Variants in TXNRD2 observed in about 807,000 individuals in gnomAD.
The protein encoded by TXNRD2 is thioredoxin reductase 2.
Under a neutral mutation model 70.8 loss-of-function variants are expected in TXNRD2, and 67 were observed. The observed-to-expected ratio is 0.95, with a 90% CI of 0.78 to 1.16. The LOEUF is 1.16. Ranked by LOEUF, TXNRD2 falls within the 50% of genes most tolerant of loss-of-function variation. The pLI, the probability that TXNRD2 is intolerant of heterozygous loss-of-function variation, is 0.00. For missense variants in TXNRD2, 644 were observed against 719.9 expected, an observed-to-expected ratio of 0.89 and a Z score of 1.21; for synonymous variants, 301 against 295.8, an observed-to-expected ratio of 1.02 and a Z score of -0.18.
At chr22:19,879,460 A>T (rs376202177) in intron 14 of TXNRD2, among the ~76,000 whole-genome samples, 19 of 148,278 alleles carry the variant, frequency 1.3e-4, no homozygotes, top group African/African-American at 4.7e-4. Context: ...CCCCCAAAGC[A>T]GGCTTGCTCG....
intron 1 of TXNRD2, among the ~76,000 whole-genome samples, chr22:19,939,263 C>T (rs1020013402): frequency 6.6e-6 from 1 of 152,208 alleles, no homozygotes. Context: ...TGGTTCAATC[C>T]TCCCTAATGG....
chr22:19,886,535 C>T (rs914406434), intron 11 of TXNRD2, among the ~76,000 whole-genome samples: 2 of 152,228 alleles, frequency 1.3e-5, no homozygotes, highest in African/African-American at 2.4e-5. Context: ...CAGTCAGCTC[C>T]CCACCATTTC....
chr22:19,915,640 C>T, intron 6 of TXNRD2, 125 bp downstream of exon 6: 1 of 883,460 alleles, frequency 1.1e-6, no homozygotes, highest in South Asian at 1.4e-5. Flanking sequence ...TCAAAAGAAG[C>T]CACCTTTTTG....
At chr22:19,881,399 C>CGGCG (rs757970396) in intron 12 of TXNRD2, 5 of 250,204 alleles carry the variant, frequency 2.0e-5, no homozygotes, top group South Asian at 1.8e-4. Context: ...GGAAACATCC[C>CGGCG]GGCGGGCGGC....
intron 1 of TXNRD2, chr22:19,932,469 G>C: frequency 6.2e-7 from 1 of 1,600,776 alleles, no homozygotes; most frequent in Admixed American, 1.7e-5. Context: ...GCAGGCAAGG[G>C]GCAGCCAAAA....
chr22:19,877,992 G>T, intron 16 of TXNRD2, 98 bp downstream of exon 16: 1 of 1,033,436 alleles, frequency 9.7e-7, no homozygotes, highest in Non-Finnish European at 1.5e-6. Flanking sequence ...CCACATAAAT[G>T]CCGCAAGAGT....
intron 8 of TXNRD2, among the ~76,000 whole-genome samples, chr22:19,907,733 A>ATG (rs1940123184): frequency 6.6e-5 from 1 of 15,132 alleles, no homozygotes; most frequent in Admixed American, 1.4e-3. Context: ...TGGGCGCACC[A>ATG]TGGGTAGCAG....
chr22:19,918,200 G>C lies in TXNRD2; in HGVS notation c.392C>G (p.Ala131Gly), dbSNP rs368359642. 20 of 1,614,246 alleles carry C rather than the reference G, an allele frequency of 1.2e-5. No homozygotes were observed. Among genetic ancestry groups the C allele is most frequent in the Middle Eastern group, 1.6e-4 (1 of 6,062 alleles). The part of the protein sequence containing the change: ...VPHDWRKMAE[A>G]VQNHVKSLNW... ...CAAGGATTTCACGTGATTTTGAACA[G>C]CTTCTGCCATCTTCCTCCTGTGAAG... Residue 131 changes from alanine to glycine, a missense_variant, in exon 5 of 18, where the codon GCT (alanine) becomes GGT (glycine). Ala to Gly is a moderately conservative substitution (Grantham distance 60). Coordinates refer to ENST00000400521, the MANE Select transcript of TXNRD2 (RefSeq NM_006440.5).
At chr22:19,886,011 C>A (rs1236911843) in intron 11 of TXNRD2, among the ~76,000 whole-genome samples, 1 of 152,254 alleles carries the variant, frequency 6.6e-6, no homozygotes, top group Non-Finnish European at 1.5e-5. Flanking sequence ...TGTAATGGAG[C>A]CACTAATGTG....
intron 11 of TXNRD2, chr22:19,887,556 G>A (rs1226944185): frequency 6.6e-6 from 1 of 152,256 alleles, no homozygotes; most frequent in African/African-American, 2.4e-5. Context: ...CCAGCTGGAC[G>A]TCGGCAGCGT....
chr22:19,896,159 G>T (rs1175282229), intron 10 of TXNRD2, among the ~76,000 whole-genome samples: 2 of 152,070 alleles, frequency 1.3e-5, no homozygotes, highest in East Asian at 3.9e-4. Context: ...TTAGCCAGGC[G>T]TGGTGGCAGG....
At chr22:19,920,191 C>G (rs777122630) in intron 2 of TXNRD2, among the ~76,000 whole-genome samples, 1 of 152,238 alleles carries the variant, frequency 6.6e-6, no homozygotes, top group African/African-American at 2.4e-5. Context: ...AGACCTGACT[C>G]CAAACCACAC....
intron 8 of TXNRD2, chr22:19,910,938 G>C: frequency 3.6e-6 from 1 of 280,482 alleles, no homozygotes; most frequent in East Asian, 1.1e-4. Context: ...AGCCAGATGT[G>C]GTGGTGGGCG....
chr22:19,933,397 G>T, intron 1 of TXNRD2: 2 of 1,256,458 alleles, frequency 1.6e-6, no homozygotes, highest in Non-Finnish European at 2.1e-6. Context: ...TCCTCCAGCT[G>T]CCTGGTAGCC....
intron 2 of TXNRD2, among the ~76,000 whole-genome samples, chr22:19,922,082 A>G (rs2146059792): frequency 6.6e-6 from 1 of 152,272 alleles, no homozygotes; most frequent in East Asian, 1.9e-4. Context: ...GAACCCAACA[A>G]GGTAAATTCA....
chr22:19,919,632 G>A, intron 2 of TXNRD2, 33 bp from the exon 3 acceptor site: 1 of 1,529,128 alleles, frequency 6.5e-7, no homozygotes. Context: ...AGGTGAGCAT[G>A]GGGAGCTGGC....
chr22:19,909,825 CACACCACACACACCCACACCCT>C (rs1365437299), intron 8 of TXNRD2, among the ~76,000 whole-genome samples: 2 of 126,258 alleles, frequency 1.6e-5, no homozygotes, highest in African/African-American at 3.1e-5. Flanking sequence ...ACACACACCA[CACACCACACACACCCACACCCT>C]TCACACACAC....
chr22:19,915,007 G>C (rs1235965716), intron 7 of TXNRD2: 5 of 585,368 alleles, frequency 8.5e-6, no homozygotes, highest in Non-Finnish European at 1.3e-5. Flanking sequence ...CTGTCCTGAG[G>C]ATCTGGCAGC....
rs139596707 is a variant in TXNRD2 at position 19,914,049 on chromosome 22, G to A, written c.591+1165C>T. Among the ~76,000 whole-genome samples, 289 of 152,252 alleles carry A rather than the reference G, an allele frequency of 1.9e-3. 4 individuals are homozygous for A. Among genetic ancestry groups the A allele is most frequent in the African/African-American group, 3.9e-3 (160 of 41,538 alleles). On this transcript the variant is annotated intron_variant, in intron 7 of 17. Transcript: ENST00000400521. The stretch of plus-strand genomic sequence containing the variant: ...GGAGAATCTGGTTTCCAAAGTTATC[G>A]CATTAAATTATTTGAAATGTTCAGC...
Sources: allele counts gnomAD v4.1 joint callset (sites outside exome capture counted in the v4.1 genomes callset), GRCh38; gene constraint gnomAD v4.1.1; transcripts MANE v1.5; gene names NCBI Gene and HGNC (gene_info 2026-07-23, HGNC 2026-07-21).